Variants in FBXW7 observed in about 807,000 individuals in gnomAD.
The protein encoded by FBXW7 is F-box/WD repeat-containing protein 7.
In FBXW7, 11 loss-of-function variants were observed where a neutral mutation model predicts 86.3. The ratio of observed to expected loss-of-function variants is 0.13; its 90% CI spans 0.08 to 0.21. The LOEUF (loss-of-function observed/expected upper bound fraction) is 0.21, where lower values mean the gene tolerates loss of function less well. FBXW7 is among the 10% of genes least tolerant of loss of function. FBXW7 has a pLI of 1.00. For synonymous variants in FBXW7, 313 were observed against 297.9 expected (o/e 1.05, Z -0.52); for missense variants, 488 against 847.4 (o/e 0.58, Z 5.27).
chr4:152,383,583 CAGCCAG>C (rs1735278684), intron 4 of FBXW7, among the ~76,000 whole-genome samples: 2 of 152,114 alleles, frequency 1.3e-5, no homozygotes, highest in African/African-American at 4.8e-5. Context: ...CTTCTTCCAA[CAGCCAG>C]TCAGCTCCAC....
intron 4 of FBXW7, among the ~76,000 whole-genome samples, chr4:152,389,184 G>A (rs919506478): frequency 1.3e-5 from 2 of 152,032 alleles, no homozygotes; most frequent in African/African-American, 4.8e-5. Context: ...CGGTGTTGGT[G>A]GGAATGCAAA....
chr4:152,423,877 G>A (rs1415825935), intron 2 of FBXW7, among the ~76,000 whole-genome samples: 1 of 151,896 alleles, frequency 6.6e-6, no homozygotes, highest in Non-Finnish European at 1.5e-5. Flanking sequence ...AGGAGGTTCT[G>A]GAATAGAATG....
intron 2 of FBXW7, among the ~76,000 whole-genome samples, chr4:152,532,319 A>G (rs895005322): frequency 6.6e-6 from 1 of 152,202 alleles, no homozygotes; most frequent in Non-Finnish European, 1.5e-5. Context: ...TAGCCACGAT[A>G]TAATAAAAAT....
chr4:152,510,728 A>C lies in FBXW7; in HGVS notation c.-120+24213T>G, dbSNP rs927744030. Among the ~76,000 whole-genome samples the C allele has an allele frequency of 2.6e-5, 4 of 152,354 alleles. No homozygotes were observed. The East Asian group carries it at 7.7e-4, about 29-fold the overall frequency. On this transcript the variant is annotated intron_variant, in intron 2 of 13. Coordinates refer to ENST00000281708, the MANE Select transcript of FBXW7 (RefSeq NM_001349798.2). ...TGACTGGGAAAAAAATGAAACTTTC[A>C]TGAGTTCAGTACTCACTGAGGTCAG...
chr4:152,471,531 G>A (rs1249833920), intron 2 of FBXW7, among the ~76,000 whole-genome samples: 2 of 137,134 alleles, frequency 1.5e-5, no homozygotes, highest in African/African-American at 5.3e-5. Flanking sequence ...GGGAGGGAGG[G>A]AAGGATGGAA....
At chr4:152,408,670 A>G (rs1241805077) in intron 4 of FBXW7, among the ~76,000 whole-genome samples, 6 of 152,124 alleles carry the variant, frequency 3.9e-5, no homozygotes, top group African/African-American at 1.4e-4. Context: ...AAATCATCAC[A>G]TGGCAGAGTC....
intron 2 of FBXW7, among the ~76,000 whole-genome samples, chr4:152,517,730 C>T (rs1748627761): frequency 6.6e-6 from 1 of 152,152 alleles, no homozygotes; most frequent in Non-Finnish European, 1.5e-5. Context: ...AGAACAGTGC[C>T]TGTCACATAA....
Position 152,411,522 on chromosome 4 carries a change from G to A in FBXW7, c.282C>T (p.Asn94=), listed in dbSNP as rs2126879392. The A allele has an allele frequency of 6.2e-7, 1 of 1,613,426 alleles. No homozygotes were observed. Among genetic ancestry groups the A allele is most frequent in the Non-Finnish European group, 8.5e-7 (1 of 1,179,774 alleles). The part of the protein sequence containing the change: ...FISVDEDSSG[N]QEEQEEDEEH... ...CTTCATCTTCCTCTTGTTCTTCTTG[G>A]TTTCCTGAGGAGTCCTCATCTACCG... The change falls in exon 4 of 14, where the codon AAC becomes AAT. Residue 94 remains asparagine, a synonymous_variant. Coordinates refer to ENST00000281708, the MANE Select transcript of FBXW7 (RefSeq NM_001349798.2).
chr4:152,464,244 A>C (rs113865460), intron 2 of FBXW7, among the ~76,000 whole-genome samples: 7 of 152,324 alleles, frequency 4.6e-5, no homozygotes, highest in African/African-American at 1.4e-4. Context: ...AACCTTGGAG[A>C]TAATGGGAAG....
At chr4:152,436,817 C>T (rs1198113076) in intron 2 of FBXW7, among the ~76,000 whole-genome samples, 2 of 152,200 alleles carry the variant, frequency 1.3e-5, no homozygotes, top group African/African-American at 4.8e-5. Flanking sequence ...CCATTTATTG[C>T]AAGACTTTAC....
At chr4:152,373,617 C>T (rs764498218) in intron 4 of FBXW7, among the ~76,000 whole-genome samples, 2 of 152,012 alleles carry the variant, frequency 1.3e-5, no homozygotes, top group African/African-American at 2.4e-5. Flanking sequence ...CCCTCTATCA[C>T]TCCTCTGATC....
chr4:152,418,578 T>G (rs1281200603), intron 2 of FBXW7, among the ~76,000 whole-genome samples: 1 of 152,048 alleles, frequency 6.6e-6, no homozygotes, highest in African/African-American at 2.4e-5. Context: ...TGTTTCTGAA[T>G]GTTCTGACTG....
At chr4:152,395,139 C>T (rs954081916) in intron 4 of FBXW7, among the ~76,000 whole-genome samples, 2 of 152,060 alleles carry the variant, frequency 1.3e-5, no homozygotes, top group Non-Finnish European at 2.9e-5. Flanking sequence ...ACAAACTACA[C>T]ACCAGTGTTT....
intron 4 of FBXW7, chr4:152,352,673 A>C: frequency 6.2e-7 from 1 of 1,613,916 alleles, no homozygotes; most frequent in Non-Finnish European, 8.5e-7. Flanking sequence ...ACCGGCAACA[A>C]AACTCCACAG....
chr4:152,517,536 G>A (rs1482321426), intron 2 of FBXW7, among the ~76,000 whole-genome samples: 1 of 152,008 alleles, frequency 6.6e-6, no homozygotes, highest in Non-Finnish European at 1.5e-5. Context: ...TAAAGATTAA[G>A]GTCCCAGGCT....
At chr4:152,511,176 A>G (rs1331833919) in intron 2 of FBXW7, among the ~76,000 whole-genome samples, 1 of 151,834 alleles carries the variant, frequency 6.6e-6, no homozygotes, top group Non-Finnish European at 1.5e-5. Flanking sequence ...TTTTCTCCAA[A>G]AAGTTGGCGA....
At position 152,386,776 on chromosome 4, in the gene FBXW7, AT is replaced by A. The variant is rs987428983; in HGVS notation, c.501+24526del. On this transcript the variant is annotated intron_variant, in intron 4 of 13. Coordinates refer to ENST00000281708, the MANE Select transcript of FBXW7 (RefSeq NM_001349798.2). ...AAAAGGTCTTTATATAAGGTAACTT[AT>A]TTTGCCCACTTATCACTCCCTGATT... 4.6e-5 allele frequency among the ~76,000 whole-genome samples: 7 copies of A among 152,114 alleles called. No individual in the cohort carries two copies. In the East Asian group the frequency reaches 1.3e-3, roughly 29 times the overall value.
At chr4:152,464,200 T>A (rs1473192272) in intron 2 of FBXW7, among the ~76,000 whole-genome samples, 1 of 151,522 alleles carries the variant, frequency 6.6e-6, no homozygotes, top group East Asian at 1.9e-4. Context: ...GAGTAAGAGT[T>A]GAGAAATTGG....
At chr4:152,395,505 T>G (rs1472455598) in intron 4 of FBXW7, among the ~76,000 whole-genome samples, 3 of 152,068 alleles carry the variant, frequency 2.0e-5, no homozygotes, top group Non-Finnish European at 4.4e-5. Context: ...TATAGACCAC[T>G]TCAAATCTCA....
Sources: gnomAD v4.1 joint callset for allele counts (sites outside exome capture counted in the v4.1 genomes callset) on GRCh38, gnomAD v4.1.1 for gene constraint, MANE v1.5 for transcripts, NCBI Gene and HGNC (gene_info 2026-07-23, HGNC 2026-07-21) for gene names.